Variants in CATSPERE observed in about 807,000 individuals in gnomAD.
CATSPERE encodes the protein cation channel sperm-associated auxiliary subunit epsilon.
A neutral mutation model predicts 114.1 loss-of-function variants in CATSPERE; 93 were observed. That is an observed-to-expected ratio of 0.81 (90% CI 0.69 to 0.97). The LOEUF is 0.97. Among genes scored for constraint, CATSPERE ranks in the 50% least tolerant of loss-of-function variants. The pLI is 0.00. For synonymous variants in CATSPERE, 341 were observed against 384.1 expected, an observed-to-expected ratio of 0.89 and a Z score of 1.31; for missense variants, 1,058 against 1,131.6, an observed-to-expected ratio of 0.93 and a Z score of 0.93.
At chr1:244,583,999 C>A (rs768132938) in intron 13 of CATSPERE, 60 bp downstream of exon 13, 4 of 1,346,390 alleles carry the variant, frequency 3.0e-6, no homozygotes, top group Non-Finnish European at 4.2e-6. Context: ...GGCGGTCAAC[C>A]AAATAATGCA....
At chr1:244,593,327 A>C (rs1396476715) in intron 15 of CATSPERE, 68 bp from the exon 16 acceptor site, 6 of 1,528,642 alleles carry the variant, frequency 3.9e-6, no homozygotes, top group East Asian at 4.5e-5. Flanking sequence ...TTACCTAAAC[A>C]AAGTCATGGG....
At chr1:244,522,433 G>C (rs532976497) in intron 8 of CATSPERE, among the ~76,000 whole-genome samples, 1 of 152,174 alleles carries the variant, frequency 6.6e-6, no homozygotes, top group East Asian at 1.9e-4. Flanking sequence ...AACTAGAAAA[G>C]CAAGAGCAAA....
intron 19 of CATSPERE, 170 bp downstream of exon 19, chr1:244,610,496 T>G (rs1178905734): frequency 7.2e-6 from 5 of 698,108 alleles, no homozygotes; most frequent in Non-Finnish European, 1.0e-5. Flanking sequence ...TCATCTTAAT[T>G]TCTGTGTGAT....
chr1:244,494,606 A>G (rs1672803715), intron 6 of CATSPERE, among the ~76,000 whole-genome samples: 1 of 152,134 alleles, frequency 6.6e-6, no homozygotes, highest in South Asian at 2.1e-4. Flanking sequence ...GTATAATAAA[A>G]AAAAAAAGTA....
chr1:244,611,008 C>T (rs943802348), intron 19 of CATSPERE, among the ~76,000 whole-genome samples: 16 of 152,186 alleles, frequency 1.1e-4, no homozygotes, highest in Non-Finnish European at 2.2e-4. Flanking sequence ...GATCCACCTG[C>T]CTCAGCCTCC....
At chr1:244,491,609 GA>G (rs757680676) in intron 6 of CATSPERE, among the ~76,000 whole-genome samples, 6 of 152,110 alleles carry the variant, frequency 3.9e-5, no homozygotes, top group Non-Finnish European at 8.8e-5. Context: ...AGAACTGAGG[GA>G]AATAGAGACA....
At chr1:244,547,610 C>A (rs1572688372) in intron 8 of CATSPERE, among the ~76,000 whole-genome samples, 1 of 151,930 alleles carries the variant, frequency 6.6e-6, no homozygotes, top group Non-Finnish European at 1.5e-5. Flanking sequence ...GTTATTAGCT[C>A]AAAATAACCT....
intron 8 of CATSPERE, among the ~76,000 whole-genome samples, chr1:244,521,236 C>T (rs140289963): frequency 0.045 from 6,858 of 152,150 alleles, 199 homozygotes; most frequent in Non-Finnish European, 0.064. Flanking sequence ...CACCTGTAGT[C>T]CTAGCTACTT....
intron 8 of CATSPERE, among the ~76,000 whole-genome samples, chr1:244,549,850 A>G (rs1342415125): frequency 6.6e-6 from 1 of 152,134 alleles, no homozygotes; most frequent in Non-Finnish European, 1.5e-5. Flanking sequence ...GTATTTCTGG[A>G]AGAGATTAGC....
intron 2 of CATSPERE, among the ~76,000 whole-genome samples, chr1:244,472,404 A>AT (rs1010811532): frequency 1.3e-4 from 19 of 151,430 alleles, no homozygotes; most frequent in East Asian, 1.9e-4. Flanking sequence ...TTTTATATTG[A>AT]TTTTTTTTTG....
chr1:244,533,000 T>C (rs1679846396), intron 8 of CATSPERE, among the ~76,000 whole-genome samples: 1 of 152,146 alleles, frequency 6.6e-6, no homozygotes, highest in Admixed American at 6.5e-5. Context: ...TCTCTTTAGC[T>C]CTAATAATAT....
intron 8 of CATSPERE, among the ~76,000 whole-genome samples, chr1:244,519,809 A>G (rs1677223679): frequency 6.6e-6 from 1 of 150,380 alleles, no homozygotes; most frequent in Non-Finnish European, 1.5e-5. Context: ...ATGACAATAA[A>G]CAATGCTGTA....
At chr1:244,619,890 T>G (rs1671872364) in intron 20 of CATSPERE, among the ~76,000 whole-genome samples, 1 of 152,220 alleles carries the variant, frequency 6.6e-6, no homozygotes, top group Non-Finnish European at 1.5e-5. Flanking sequence ...AGACTAAAAC[T>G]ATTAGAAACA....
chr1:244,624,128 A>ATTTTTTTTTTTTTTT (rs58744339), intron 20 of CATSPERE, among the ~76,000 whole-genome samples: 580 of 125,452 alleles, frequency 4.6e-3, no homozygotes, highest in Non-Finnish European at 5.7e-3. Flanking sequence ...TGCCCAGCTA[A>ATTTTTTTTTTTTTTT]TTTTTTTTTT....
intron 2 of CATSPERE, among the ~76,000 whole-genome samples, chr1:244,473,949 A>G (rs1030996781): frequency 6.6e-6 from 1 of 151,802 alleles, no homozygotes; most frequent in East Asian, 1.9e-4. Context: ...TTTAGTGGCT[A>G]CCTTTGTGCT....
At chr1:244,614,342 G>A (rs997135290) in intron 19 of CATSPERE, among the ~76,000 whole-genome samples, 1 of 152,136 alleles carries the variant, frequency 6.6e-6, no homozygotes, top group Admixed American at 6.5e-5. Context: ...AGACAGGGCA[G>A]GTATAGCAAC....
chr1:244,463,875 T>C (rs376676291), intron 1 of CATSPERE, 33 bp from the exon 2 acceptor site: 13 of 1,537,914 alleles, frequency 8.5e-6, no homozygotes, highest in East Asian at 2.2e-5. Flanking sequence ...ATAAATTAGT[T>C]TTAATATTTA....
chr1:244,603,528 G>A (rs973918381), intron 17 of CATSPERE, among the ~76,000 whole-genome samples: 2 of 152,206 alleles, frequency 1.3e-5, no homozygotes, highest in African/African-American at 4.8e-5. Flanking sequence ...TATATTCAAT[G>A]ATATAAATTA....
chr1:244,536,242 G>C (rs1323478310), intron 8 of CATSPERE, among the ~76,000 whole-genome samples: 1 of 151,940 alleles, frequency 6.6e-6, no homozygotes, highest in Non-Finnish European at 1.5e-5. Flanking sequence ...GGTGGCACAA[G>C]CACTCCATTA....
Sources: allele counts gnomAD v4.1 joint callset (sites outside exome capture counted in the v4.1 genomes callset), GRCh38; gene constraint gnomAD v4.1.1; transcripts MANE v1.5; gene names NCBI Gene and HGNC (gene_info 2026-07-23, HGNC 2026-07-21).